Variants in EPB41L2 observed in about 807,000 individuals in gnomAD.
The protein encoded by EPB41L2 is erythrocyte membrane protein band 4.1 like 2.
A neutral mutation model predicts 113.0 loss-of-function variants in EPB41L2; 43 were observed. The ratio of observed to expected loss-of-function variants is 0.38; its 90% CI spans 0.30 to 0.49. The LOEUF (loss-of-function observed/expected upper bound fraction) is 0.49, where lower values mean the gene tolerates loss of function less well. Among genes scored for constraint, EPB41L2 ranks in the 20% least tolerant of loss-of-function variants. The pLI, the probability that EPB41L2 is intolerant of heterozygous loss-of-function variation, is 0.95. For missense variants in EPB41L2, 1,147 were observed against 1,223.4 expected (o/e 0.94, Z 0.93); for synonymous variants, 442 against 436.7 (o/e 1.01, Z -0.15).
chr6:131,048,621 T>C (rs1347059438), intron 1 of EPB41L2, among the ~76,000 whole-genome samples: 2 of 152,124 alleles, frequency 1.3e-5, no homozygotes, highest in African/African-American at 4.8e-5. Context: ...AAAATAAAGA[T>C]GAGAGTGGGT....
intron 1 of EPB41L2, among the ~76,000 whole-genome samples, chr6:130,962,023 A>G (rs1382003484): frequency 6.6e-6 from 1 of 152,206 alleles, no homozygotes; most frequent in Non-Finnish European, 1.5e-5. Flanking sequence ...GCTTGTGGGT[A>G]GAGGATATGT....
chr6:130,881,986 A>G (rs1333626210), intron 12 of EPB41L2: 1 of 152,222 alleles, frequency 6.6e-6, no homozygotes, highest in Non-Finnish European at 1.5e-5. Context: ...TCAGGAGTAA[A>G]GGTTACAGAT....
At chr6:130,893,753 G>A (rs1793705382) in intron 10 of EPB41L2, among the ~76,000 whole-genome samples, 1 of 152,184 alleles carries the variant, frequency 6.6e-6, no homozygotes, top group Non-Finnish European at 1.5e-5. Context: ...AGACAGAGAA[G>A]GTAAATGTGC....
chr6:130,860,258 T>C (rs1781602129), intron 18 of EPB41L2, among the ~76,000 whole-genome samples: 1 of 152,204 alleles, frequency 6.6e-6, no homozygotes, highest in African/African-American at 2.4e-5. Flanking sequence ...TACAAAGATC[T>C]GCCTACAATA....
intron 1 of EPB41L2, among the ~76,000 whole-genome samples, chr6:131,055,704 T>A (rs894869500): frequency 1.3e-5 from 2 of 152,214 alleles, no homozygotes; most frequent in African/African-American, 4.8e-5. Flanking sequence ...TTTATTCAAT[T>A]TTTAAGCCTC....
chr6:130,983,304 A>G (rs575774468), intron 1 of EPB41L2, among the ~76,000 whole-genome samples: 1 of 152,316 alleles, frequency 6.6e-6, no homozygotes, highest in African/African-American at 2.4e-5. Flanking sequence ...TCTTCAGAAC[A>G]CTGAGAACTA....
chr6:131,028,109 G>C (rs1244764316), intron 1 of EPB41L2, among the ~76,000 whole-genome samples: 4 of 152,156 alleles, frequency 2.6e-5, no homozygotes, highest in Non-Finnish European at 5.9e-5. Context: ...GTAAAAAGAT[G>C]ATGTCAATTC....
Position 131,035,625 on chromosome 6 carries a change from G to C in EPB41L2, c.-15+27530C>G, listed in dbSNP as rs753627498. ...CAGAGCCTTACATTTCAAACTTTCT[G>C]TGTAAAAGATTACAATACAGGGTAT... On this transcript the variant is annotated intron_variant, in intron 1 of 19. Coordinates refer to ENST00000337057, the MANE Select transcript of EPB41L2 (RefSeq NM_001431.4). 4.1e-4 allele frequency among the ~76,000 whole-genome samples: 62 copies of C among 152,148 alleles called. 1 individual carries two copies. Among genetic ancestry groups the C allele is most frequent in the Admixed American group, 4.6e-4 (7 of 15,272 alleles).
chr6:131,032,130 C>CA (rs1399679167), intron 1 of EPB41L2, among the ~76,000 whole-genome samples: 1 of 152,078 alleles, frequency 6.6e-6, no homozygotes, highest in African/African-American at 2.4e-5. Context: ...TCTCATATAT[C>CA]ATATATAATA....
At chr6:131,023,745 A>G (rs1461931493) in intron 1 of EPB41L2, among the ~76,000 whole-genome samples, 4 of 140,888 alleles carry the variant, frequency 2.8e-5, no homozygotes, top group Non-Finnish European at 6.1e-5. Context: ...ATATCTATAT[A>G]TCTATATATA....
intron 14 of EPB41L2, chr6:130,870,382 C>G: frequency 6.4e-7 from 1 of 1,550,568 alleles, no homozygotes; most frequent in South Asian, 1.2e-5. Context: ...GAGCACGTGT[C>G]TGCAGAACAA....
chr6:130,904,653 C>T (rs1797212990), intron 5 of EPB41L2, 113 bp from the exon 6 acceptor site: 1 of 450,116 alleles, frequency 2.2e-6, no homozygotes, highest in Admixed American at 4.0e-5. Context: ...TATAAATCAG[C>T]ATGCAGAATT....
At chr6:130,884,082 C>T (rs965970541) in intron 12 of EPB41L2, among the ~76,000 whole-genome samples, 7 of 152,138 alleles carry the variant, frequency 4.6e-5, no homozygotes, top group African/African-American at 1.7e-4. Context: ...TACCTGTAAT[C>T]CCAGCACTTT....
At chr6:131,003,501 C>T (rs1172402340) in intron 1 of EPB41L2, among the ~76,000 whole-genome samples, 1 of 152,186 alleles carries the variant, frequency 6.6e-6, no homozygotes, top group Non-Finnish European at 1.5e-5. Context: ...TAAGCCCAGT[C>T]TTCAATTAGG....
At chr6:131,041,107 G>A (rs904292667) in intron 1 of EPB41L2, among the ~76,000 whole-genome samples, 2 of 152,092 alleles carry the variant, frequency 1.3e-5, no homozygotes. Context: ...AGACATCACG[G>A]GAATGACTGG....
chr6:130,941,584 A>G (rs1404089468), intron 3 of EPB41L2, among the ~76,000 whole-genome samples: 2 of 152,232 alleles, frequency 1.3e-5, no homozygotes, highest in African/African-American at 2.4e-5. Flanking sequence ...CTACGGAAGA[A>G]TAGCTTATCA....
chr6:130,958,941 A>G (rs1303177084), intron 1 of EPB41L2, among the ~76,000 whole-genome samples: 1 of 152,236 alleles, frequency 6.6e-6, no homozygotes, highest in Non-Finnish European at 1.5e-5. Context: ...AGGATGAAAG[A>G]AAAGACTGAA....
chr6:130,948,068 G>GT (rs1813544914), intron 3 of EPB41L2, among the ~76,000 whole-genome samples: 1 of 152,074 alleles, frequency 6.6e-6, no homozygotes, highest in Admixed American at 6.5e-5. Context: ...CACAAATGCT[G>GT]TTTTTAAGCT....
At chr6:131,046,951 G>C (rs1795581252) in intron 1 of EPB41L2, among the ~76,000 whole-genome samples, 1 of 152,146 alleles carries the variant, frequency 6.6e-6, no homozygotes, top group Admixed American at 6.5e-5. Context: ...ATCGGGGTTT[G>C]ACGTCGTTTA....
Sources: gnomAD v4.1 joint callset for allele counts (sites outside exome capture counted in the v4.1 genomes callset) on GRCh38, gnomAD v4.1.1 for gene constraint, MANE v1.5 for transcripts, NCBI Gene and HGNC (gene_info 2026-07-23, HGNC 2026-07-21) for gene names.